Variants in CBLB observed in about 807,000 individuals in gnomAD.
The protein encoded by CBLB is E3 ubiquitin-protein ligase CBL-B.
A neutral mutation model predicts 104.9 loss-of-function variants in CBLB; 31 were observed. That is an observed-to-expected ratio of 0.30 (90% CI 0.22 to 0.40). The LOEUF is 0.40. CBLB is among the 10% of genes least tolerant of loss of function. The pLI, the probability that CBLB is intolerant of heterozygous loss-of-function variation, is 1.00. For synonymous variants in CBLB, 440 were observed against 422.6 expected (o/e 1.04, Z -0.51); for missense variants, 1,062 against 1,214.6 (o/e 0.87, Z 1.87).
chr3:105,782,851 C>A (rs1208866215), intron 3 of CBLB, among the ~76,000 whole-genome samples: 1 of 152,108 alleles, frequency 6.6e-6, no homozygotes, highest in East Asian at 1.9e-4. Context: ...GGATTACAGG[C>A]GTGAGCCAAC....
chr3:105,758,205 C>T (rs1327026111), intron 4 of CBLB, among the ~76,000 whole-genome samples: 5 of 152,086 alleles, frequency 3.3e-5, no homozygotes, highest in Non-Finnish European at 5.9e-5. Flanking sequence ...TTCCAGCAAC[C>T]CACAGAAACA....
chr3:105,788,816 C>T (rs1267213780), intron 3 of CBLB, among the ~76,000 whole-genome samples: 2 of 152,130 alleles, frequency 1.3e-5, no homozygotes, highest in African/African-American at 4.8e-5. Context: ...GTAGAAATGA[C>T]GCTACATAAA....
rs74844915 is a variant in CBLB, at chr3:105,848,339, A to G, written c.419+5075T>C. Among the ~76,000 whole-genome samples, 24 of 152,216 alleles carry G rather than the reference A, an allele frequency of 1.6e-4. No individual in the cohort carries two copies. In the East Asian group the frequency reaches 3.9e-3, roughly 24 times the overall value. On this transcript the variant is annotated intron_variant, in intron 3 of 18. Coordinates refer to ENST00000394030, the MANE Select transcript of CBLB (RefSeq NM_170662.5). ...GCAAAAGACTTTCACTGTGCCCTAA[A>G]TATCTACTTCAGTAGCATATACAAT...
intron 14 of CBLB, among the ~76,000 whole-genome samples, chr3:105,682,296 T>G (rs906237374): frequency 6.6e-6 from 1 of 152,176 alleles, no homozygotes; most frequent in African/African-American, 2.4e-5. Context: ...GAAGAAAAAT[T>G]ATTGAACTTT....
chr3:105,809,685 T>G (rs913589129), intron 3 of CBLB, among the ~76,000 whole-genome samples: 1 of 152,198 alleles, frequency 6.6e-6, no homozygotes, highest in African/African-American at 2.4e-5. Context: ...AACCCCAAGC[T>G]GCCCCAGCAA....
intron 3 of CBLB, among the ~76,000 whole-genome samples, chr3:105,846,767 T>C (rs1321289853): frequency 6.6e-6 from 1 of 152,030 alleles, no homozygotes; most frequent in Non-Finnish European, 1.5e-5. Flanking sequence ...TATGAGAAAA[T>C]GTGGTAATTG....
At chr3:105,714,190 C>A (rs2071507135) in intron 10 of CBLB, among the ~76,000 whole-genome samples, 1 of 152,136 alleles carries the variant, frequency 6.6e-6, no homozygotes, top group South Asian at 2.1e-4. Context: ...CACACACACC[C>A]CTTTCCTTAG....
chr3:105,797,787 C>T (rs1442576176), intron 3 of CBLB, among the ~76,000 whole-genome samples: 2 of 152,216 alleles, frequency 1.3e-5, no homozygotes, highest in African/African-American at 2.4e-5. Context: ...GTGATTCAGA[C>T]ATCAGGGCAA....
chr3:105,658,666 C>A lies in CBLB; in HGVS notation c.*304G>T. 1 of 430,392 alleles carries A rather than the reference C, an allele frequency of 2.3e-6. No homozygotes were observed. The highest frequency in any genetic ancestry group is 4.2e-6 in the Non-Finnish European group (1 of 237,856). The allele number at this position is 430,392 out of a possible 1,614,324, so 26.7% of individuals were successfully genotyped here. ...AAAACAAGAACAAACTGCAACTTTG[C>A]CAAACTGTAAACAAGGTAAAGCATT... is the stretch of plus-strand genomic sequence containing the variant. On this transcript the variant is annotated 3_prime_UTR_variant, in exon 19 of 19. Coordinates refer to ENST00000394030, the MANE Select transcript of CBLB (RefSeq NM_170662.5).
At chr3:105,726,538 C>T (rs2073659689) in intron 9 of CBLB, among the ~76,000 whole-genome samples, 2 of 149,766 alleles carry the variant, frequency 1.3e-5, no homozygotes, top group Admixed American at 1.3e-4. Context: ...GCTCAAAAGC[C>T]ATTTTCCTTT....
chr3:105,744,478 C>G (rs1449902346), intron 6 of CBLB, among the ~76,000 whole-genome samples: 1 of 152,094 alleles, frequency 6.6e-6, no homozygotes, highest in African/African-American at 2.4e-5. Context: ...AACTAACTCT[C>G]CTTAGTCTAA....
chr3:105,829,984 A>C (rs1032449334), intron 3 of CBLB, among the ~76,000 whole-genome samples: 1 of 152,172 alleles, frequency 6.6e-6, no homozygotes, highest in African/African-American at 2.4e-5. Flanking sequence ...CCCAACTGTC[A>C]GATGTATTTT....
intron 10 of CBLB, among the ~76,000 whole-genome samples, chr3:105,709,981 T>TA (rs767888619): frequency 6.6e-6 from 1 of 151,958 alleles, no homozygotes; most frequent in African/African-American, 2.4e-5. Flanking sequence ...CCTTGACAAA[T>TA]AATTTGAAAG....
chr3:105,710,655 T>C (rs1038392965), intron 10 of CBLB, among the ~76,000 whole-genome samples: 3 of 151,948 alleles, frequency 2.0e-5, no homozygotes, highest in Admixed American at 1.3e-4. Flanking sequence ...ACCAGTATAT[T>C]TGTCTAACTA....
chr3:105,785,244 G>A (rs2080838806), intron 3 of CBLB, among the ~76,000 whole-genome samples: 1 of 152,152 alleles, frequency 6.6e-6, no homozygotes, highest in Non-Finnish European at 1.5e-5. Flanking sequence ...GGAATAATTT[G>A]CTGACCCCAA....
rs1170496704 is a variant in CBLB, at chr3:105,657,230, A to G, written c.*1740T>C. 1 of 221,268 alleles carries G rather than the reference A, an allele frequency of 4.5e-6. No individual in the cohort carries two copies. Among genetic ancestry groups the G allele is most frequent in the African/African-American group, 2.2e-5 (1 of 44,732 alleles). The allele number at this position is 221,268 out of a possible 1,614,324, so 13.7% of individuals were successfully genotyped here. A position where few individuals can be genotyped will look rare whatever the true frequency, so the allele number is the denominator to read the frequency against. ...TCTACGTGTCTTTTGTATAACATTAATTTCCACCAGATCTACTAGATGTTC... is the reference window on the plus strand; with the variant it reads ...TCTACGTGTCTTTTGTATAACATTAGTTTCCACCAGATCTACTAGATGTTC... On this transcript the variant is annotated 3_prime_UTR_variant, in exon 19 of 19. Coordinates refer to ENST00000394030, the MANE Select transcript of CBLB (RefSeq NM_170662.5).
chr3:105,869,009 G>T lies in CBLB; in HGVS notation c.-288C>A, dbSNP rs1373513346. On this transcript the variant is annotated 5_prime_UTR_variant, in exon 1 of 19. Coordinates refer to ENST00000394030, the MANE Select transcript of CBLB (RefSeq NM_170662.5). ...TAGCAGGAGGAGGAGACCGCTCGCT[G>T]GACACCCCACCCCTGTGGCACACAC... The T allele has an allele frequency of 1.9e-6, 2 of 1,062,710 alleles. No individual in the cohort carries two copies. Among genetic ancestry groups the T allele is most frequent in the Non-Finnish European group, 1.1e-6 (1 of 877,790 alleles). The allele number at this position is 1,062,710 out of a possible 1,614,324, so 65.8% of individuals were successfully genotyped here.
At chr3:105,808,983 A>G (rs1480849170) in intron 3 of CBLB, among the ~76,000 whole-genome samples, 1 of 152,200 alleles carries the variant, frequency 6.6e-6, no homozygotes, top group African/African-American at 2.4e-5. Flanking sequence ...TCAAAAGACA[A>G]AATAACCCAC....
At chr3:105,857,701 C>T (rs979239036) in intron 2 of CBLB, among the ~76,000 whole-genome samples, 3 of 152,064 alleles carry the variant, frequency 2.0e-5, no homozygotes, top group African/African-American at 4.8e-5. Flanking sequence ...TGCAAATTTA[C>T]GTAAACTTCA....
Sources: gnomAD v4.1 joint callset for allele counts (sites outside exome capture counted in the v4.1 genomes callset) on GRCh38, gnomAD v4.1.1 for gene constraint, MANE v1.5 for transcripts, NCBI Gene and HGNC (gene_info 2026-07-23, HGNC 2026-07-21) for gene names.